TBC1D22A: variants seen among roughly 807,000 people sequenced by gnomAD.
TBC1D22A encodes TBC1 domain family member 22A.
In TBC1D22A, 38 loss-of-function variants were observed where a neutral mutation model predicts 60.2. That is an observed-to-expected ratio of 0.63 (90% CI 0.49 to 0.83). TBC1D22A has a LOEUF of 0.83. Among genes scored for constraint, TBC1D22A ranks in the 40% least tolerant of loss-of-function variants. The pLI is 0.00. For missense variants in TBC1D22A, 628 were observed against 701.0 expected, an observed-to-expected ratio of 0.90 and a Z score of 1.18; for synonymous variants, 302 against 281.7, an observed-to-expected ratio of 1.07 and a Z score of -0.72.
chr22:47,139,811 C>T (rs2067012971), intron 12 of TBC1D22A, among the ~76,000 whole-genome samples: 1 of 152,254 alleles, frequency 6.6e-6, no homozygotes, highest in Non-Finnish European at 1.5e-5. Context: ...GCCTCACCGC[C>T]CTGCTTATGT....
chr22:46,955,735 A>G (rs1241711812), intron 8 of TBC1D22A, among the ~76,000 whole-genome samples: 1 of 152,226 alleles, frequency 6.6e-6, no homozygotes, highest in African/African-American at 2.4e-5. Flanking sequence ...ATTAAAAAAG[A>G]TAATACTCAG....
At chr22:46,862,219 G>A (rs779842017) in intron 4 of TBC1D22A, among the ~76,000 whole-genome samples, 1 of 152,222 alleles carries the variant, frequency 6.6e-6, no homozygotes, top group Non-Finnish European at 1.5e-5. Context: ...GTGAATGTCA[G>A]CTTTTGTTCC....
chr22:47,113,246 G>A (rs905344020), intron 12 of TBC1D22A, among the ~76,000 whole-genome samples: 1 of 152,212 alleles, frequency 6.6e-6, no homozygotes, highest in Non-Finnish European at 1.5e-5. Context: ...CCTCCCAGGG[G>A]ACTTGCTCTC....
At chr22:46,850,994 G>C (rs2087247065) in intron 4 of TBC1D22A, among the ~76,000 whole-genome samples, 1 of 152,192 alleles carries the variant, frequency 6.6e-6, no homozygotes, top group Non-Finnish European at 1.5e-5. Context: ...ACGGAAAGTG[G>C]AATGGTAGTT....
At chr22:46,928,331 A>G (rs1272206542) in intron 8 of TBC1D22A, among the ~76,000 whole-genome samples, 1 of 152,240 alleles carries the variant, frequency 6.6e-6, no homozygotes, top group African/African-American at 2.4e-5. Context: ...GAGGAAATTT[A>G]TGTTTTCCAA....
chr22:46,936,775 C>T (rs1216505035), intron 8 of TBC1D22A, among the ~76,000 whole-genome samples: 1 of 152,256 alleles, frequency 6.6e-6, no homozygotes, highest in East Asian at 1.9e-4. Context: ...TGGCAAGGAG[C>T]AGTATTTACC....
chr22:47,146,325 C>CTT (rs2067284958), intron 12 of TBC1D22A, among the ~76,000 whole-genome samples: 1 of 152,206 alleles, frequency 6.6e-6, no homozygotes, highest in Admixed American at 6.5e-5. Flanking sequence ...TTGATGAACT[C>CTT]TCTCTCTCCC....
At chr22:46,872,080 C>T (rs139035308) in intron 4 of TBC1D22A, among the ~76,000 whole-genome samples, 7 of 152,102 alleles carry the variant, frequency 4.6e-5, no homozygotes, top group East Asian at 3.9e-4. Context: ...TAGAAAGACA[C>T]GACTTAAACT....
At chr22:47,173,472 A>T (rs1172125193) in intron 12 of TBC1D22A, 26 bp from the exon 13 acceptor site, 2 of 1,612,918 alleles carry the variant, frequency 1.2e-6, no homozygotes, top group African/African-American at 2.7e-5. Context: ...ACCTCCTCTG[A>T]CCTGGGCTTG....
At chr22:47,075,237 G>A (rs8139842) in intron 11 of TBC1D22A, among the ~76,000 whole-genome samples, 59,401 of 136,798 alleles carry the variant, frequency 0.43, 13,924 homozygotes, top group East Asian at 0.58. Context: ...AAAAAAAAAA[G>A]AGAACCAAAG....
At chr22:46,797,711 G>GTAA in intron 4 of TBC1D22A, 91 bp downstream of exon 4, 1 of 1,340,022 alleles carries the variant, frequency 7.5e-7, no homozygotes, top group South Asian at 1.6e-5. Flanking sequence ...GTATGCTTAT[G>GTAA]TAATGCACAC....
chr22:46,911,548 G>A (rs960760081), intron 7 of TBC1D22A, among the ~76,000 whole-genome samples: 1 of 152,170 alleles, frequency 6.6e-6, no homozygotes, highest in Non-Finnish European at 1.5e-5. Flanking sequence ...GCTCAGGGAC[G>A]GACTGAGCCA....
intron 12 of TBC1D22A, among the ~76,000 whole-genome samples, chr22:47,114,927 A>G (rs1280510981): frequency 2.0e-5 from 3 of 151,710 alleles, no homozygotes; most frequent in Admixed American, 2.0e-4. Flanking sequence ...CCTGTGTCCT[A>G]GGTCCCCTTG....
intron 8 of TBC1D22A, among the ~76,000 whole-genome samples, chr22:46,917,009 C>T (rs936328387): frequency 2.0e-5 from 3 of 152,142 alleles, no homozygotes; most frequent in Non-Finnish European, 4.4e-5. Flanking sequence ...TTGAATGTGC[C>T]CATTCCAGAT....
At chr22:46,998,544 G>A (rs2075198790) in intron 10 of TBC1D22A, among the ~76,000 whole-genome samples, 1 of 152,252 alleles carries the variant, frequency 6.6e-6, no homozygotes, top group Admixed American at 6.5e-5. Context: ...GCCTTGCAGG[G>A]CCCTGCCCGC....
chr22:46,909,129 A>C (rs1041429086), intron 7 of TBC1D22A, among the ~76,000 whole-genome samples: 1 of 152,146 alleles, frequency 6.6e-6, no homozygotes, highest in Non-Finnish European at 1.5e-5. Flanking sequence ...TCCAGCACTT[A>C]GGCTGCTGAG....
At chr22:46,933,633 G>C (rs1163137751) in intron 8 of TBC1D22A, among the ~76,000 whole-genome samples, 3 of 152,172 alleles carry the variant, frequency 2.0e-5, no homozygotes, top group African/African-American at 7.2e-5. Flanking sequence ...ACTGGGGGGG[G>C]GTTGGCCCCC....
At chr22:47,150,567 C>G (rs1018864727) in intron 12 of TBC1D22A, among the ~76,000 whole-genome samples, 1 of 152,200 alleles carries the variant, frequency 6.6e-6, no homozygotes, top group Admixed American at 6.5e-5. Context: ...TCTGCCGAGC[C>G]GCCTCTGCAC....
intron 7 of TBC1D22A, among the ~76,000 whole-genome samples, chr22:46,906,891 C>T (rs566084375): frequency 1.2e-4 from 18 of 151,522 alleles, no homozygotes; most frequent in African/African-American, 2.9e-4. Flanking sequence ...CTCTTTCCTG[C>T]GTGTGTATAT....
Sources: allele counts gnomAD v4.1 joint callset (sites outside exome capture counted in the v4.1 genomes callset), GRCh38; gene constraint gnomAD v4.1.1; transcripts MANE v1.5; gene names NCBI Gene and HGNC (gene_info 2026-07-23, HGNC 2026-07-21).